Variants in CYTH3 observed in about 807,000 individuals in gnomAD.
CYTH3 encodes the protein cytohesin 3, also known as cytohesin-3.
In CYTH3, 23 loss-of-function variants were observed where a neutral mutation model predicts 55.1. The observed-to-expected ratio is 0.42, with a 90% CI of 0.30 to 0.59. The LOEUF is 0.59. Among genes scored for constraint, CYTH3 ranks in the 20% least tolerant of loss-of-function variants. The pLI, the probability that CYTH3 is intolerant of heterozygous loss-of-function variation, is 0.20. For missense variants in CYTH3, 413 were observed against 524.8 expected (o/e 0.79, Z 2.08); for synonymous variants, 249 against 194.9 (o/e 1.28, Z -2.31).
chr7:6,256,765 A>AC (rs1780136656), intron 1 of CYTH3, among the ~76,000 whole-genome samples: 1 of 152,238 alleles, frequency 6.6e-6, no homozygotes, highest in Admixed American at 6.5e-5. Flanking sequence ...ATTACTGGGC[A>AC]CTTGTCAGGC....
chr7:6,253,635 A>T (rs1283297962), intron 1 of CYTH3, among the ~76,000 whole-genome samples: 4 of 151,916 alleles, frequency 2.6e-5, no homozygotes, highest in Non-Finnish European at 5.9e-5. Context: ...GGCCAATTTG[A>T]TGAAACCCTA....
chr7:6,187,790 T>C, intron 2 of CYTH3, 69 bp from the exon 3 acceptor site: 1 of 1,331,654 alleles, frequency 7.5e-7, no homozygotes, highest in Non-Finnish European at 1.1e-6. Flanking sequence ...CTCAGAAATT[T>C]TAGTTCTCTT....
At chr7:6,261,340 A>T (rs1374588369) in intron 1 of CYTH3, among the ~76,000 whole-genome samples, 1 of 152,178 alleles carries the variant, frequency 6.6e-6, no homozygotes, top group Admixed American at 6.5e-5. Flanking sequence ...CTGGGAAGCA[A>T]CCCAAGCTTT....
intron 1 of CYTH3, among the ~76,000 whole-genome samples, chr7:6,214,399 C>T (rs1429385832): frequency 6.6e-6 from 1 of 152,162 alleles, no homozygotes; most frequent in African/African-American, 2.4e-5. Flanking sequence ...ATTTTAATGG[C>T]ATTTTCCCTT....
intron 1 of CYTH3, among the ~76,000 whole-genome samples, chr7:6,217,098 A>G (rs2128550568): frequency 6.6e-6 from 1 of 152,264 alleles, no homozygotes; most frequent in East Asian, 1.9e-4. Context: ...TTTTTAGTAG[A>G]GACAGGGTTT....
intron 1 of CYTH3, among the ~76,000 whole-genome samples, chr7:6,245,504 T>C (rs1166566558): frequency 6.6e-6 from 1 of 152,162 alleles, no homozygotes; most frequent in East Asian, 1.9e-4. Flanking sequence ...CTAGAGAGAA[T>C]GTGTCCAGCG....
intron 1 of CYTH3, among the ~76,000 whole-genome samples, chr7:6,249,448 G>A (rs944028795): frequency 6.6e-6 from 1 of 152,216 alleles, no homozygotes; most frequent in South Asian, 2.1e-4. Flanking sequence ...AGAGAAGAGT[G>A]TAGAAAACCC....
chr7:6,194,847 C>T (rs762529438), intron 1 of CYTH3, among the ~76,000 whole-genome samples: 7 of 152,022 alleles, frequency 4.6e-5, no homozygotes, highest in Admixed American at 1.3e-4. Context: ...CCGTGGCGGG[C>T]GCCTATAGTC....
chr7:6,240,951 T>TG (rs1779658399), intron 1 of CYTH3, among the ~76,000 whole-genome samples: 2 of 149,180 alleles, frequency 1.3e-5, no homozygotes, highest in South Asian at 4.2e-4. Flanking sequence ...CCGTCTCTGC[T>TG]GAAAAAAAAA....
chr7:6,174,648 A>C (rs1783294745), intron 5 of CYTH3, among the ~76,000 whole-genome samples: 1 of 149,550 alleles, frequency 6.7e-6, no homozygotes, highest in Non-Finnish European at 1.5e-5. Context: ...CCTGGGTTCA[A>C]GCGATACTCC....
chr7:6,182,642 G>C (rs1783531868), intron 4 of CYTH3, among the ~76,000 whole-genome samples: 1 of 152,132 alleles, frequency 6.6e-6, no homozygotes, highest in Non-Finnish European at 1.5e-5. Flanking sequence ...AAGTAGCTGG[G>C]ACTACAGGTG....
rs1350407530 is a variant in CYTH3, at chr7:6,162,738, A to T, written c.*2206T>A. The T allele has an allele frequency of 6.6e-6, 1 of 152,322 alleles. No individual in the cohort carries two copies. 9.4% of individuals were successfully genotyped at this position (152,322 alleles called of 1,614,324 possible). On this transcript the variant is annotated 3_prime_UTR_variant, in exon 13 of 13. Coordinates refer to ENST00000350796, the MANE Select transcript of CYTH3 (RefSeq NM_004227.4). ...CTGGCGAAGCTCATTCACAGATGAC[A>T]GCAAAGGGGGAGCTTGATCATCTGG...
chr7:6,181,071 C>A (rs1277009305), intron 4 of CYTH3, among the ~76,000 whole-genome samples: 1 of 152,142 alleles, frequency 6.6e-6, no homozygotes, highest in Non-Finnish European at 1.5e-5. Context: ...TCAGTGATTA[C>A]TCTTAAAATT....
At position 6,173,748 on chromosome 7, in the gene CYTH3, A is replaced by G. The variant is rs1373476000; in HGVS notation, c.369-15T>C. 6 of 1,495,654 alleles carry G rather than the reference A, an allele frequency of 4.0e-6. No homozygotes were observed. In the African/African-American group the frequency reaches 6.9e-5, roughly 17 times the overall value. 92.6% of individuals were successfully genotyped at this position (1,495,654 alleles called of 1,614,324 possible). Reference sequence around the variant, plus strand: ...TAAATTCATCCCTGGGAAAAAAAGAAGTAAGTTTCAAACCTAATGTACATT... The same window carrying G: ...TAAATTCATCCCTGGGAAAAAAAGAGGTAAGTTTCAAACCTAATGTACATT... On this transcript the variant is annotated splice_polypyrimidine_tract_variant and intron_variant, in intron 5 of 12. Transcript: ENST00000350796.
intron 1 of CYTH3, among the ~76,000 whole-genome samples, chr7:6,251,699 CTG>C (rs1285503778): frequency 6.6e-6 from 1 of 152,160 alleles, no homozygotes; most frequent in Non-Finnish European, 1.5e-5. Context: ...ATGTTTATGA[CTG>C]ATGCCCTGAA....
rs756065522 is a variant in CYTH3 at position 6,167,784 on chromosome 7, G to A, written c.824-1974C>T. Among the ~76,000 whole-genome samples, 2 of 152,182 alleles carry A rather than the reference G, an allele frequency of 1.3e-5. No homozygotes were observed. Among genetic ancestry groups the A allele is most frequent in the African/African-American group, 2.4e-5 (1 of 41,436 alleles). On this transcript the variant is annotated intron_variant, in intron 9 of 12. Transcript: ENST00000350796. The surrounding 1 kb of genome is among the most constrained non-coding windows in gnomAD (Gnocchi z 5.5). ...TCCAGCGCCTGCTCTCTTCCTCCACGCTCCCAGCATGGTGGACAGCAAAGG... is the reference window on the plus strand; with the variant it reads ...TCCAGCGCCTGCTCTCTTCCTCCACACTCCCAGCATGGTGGACAGCAAAGG...
chr7:6,175,544 TC>T (rs1264559398), intron 5 of CYTH3, among the ~76,000 whole-genome samples: 4 of 128,560 alleles, frequency 3.1e-5, no homozygotes, highest in Admixed American at 7.6e-5. Flanking sequence ...TACACTTTAG[TC>T]TTTTTTTTTT....
intron 1 of CYTH3, 57 bp downstream of exon 1, chr7:6,272,410 GACCCCCA>G: frequency 8.2e-7 from 1 of 1,216,618 alleles, no homozygotes; most frequent in Non-Finnish European, 1.1e-6. Flanking sequence ...CCGCGCCCTC[GACCCCCA>G]GCCCCCGGCC....
chr7:6,268,800 C>A (rs1780576150), intron 1 of CYTH3, among the ~76,000 whole-genome samples: 1 of 152,118 alleles, frequency 6.6e-6, no homozygotes, highest in South Asian at 2.1e-4. Flanking sequence ...GAGAAACCAT[C>A]CCTTTAAGAA....
Sources: allele counts gnomAD v4.1 joint callset (sites outside exome capture counted in the v4.1 genomes callset), GRCh38; gene constraint gnomAD v4.1.1; non-coding constraint Gnocchi (gnomAD v3.1); transcripts MANE v1.5; gene names NCBI Gene and HGNC (gene_info 2026-07-23, HGNC 2026-07-21).